EARS2: variants seen among roughly 807,000 people sequenced by gnomAD.
EARS2 encodes the protein glutamyl-tRNA synthetase 2, mitochondrial, also known as nondiscriminating glutamyl-tRNA synthetase EARS2, mitochondrial.
A neutral mutation model predicts 54.1 loss-of-function variants in EARS2; 50 were observed. The observed-to-expected ratio is 0.92, with a 90% CI of 0.74 to 1.17. The LOEUF is 1.17. EARS2 is among the 50% of genes most tolerant of loss of function. The pLI, the probability that EARS2 is intolerant of heterozygous loss-of-function variation, is 0.00. For synonymous variants in EARS2, 298 were observed against 281.0 expected, an observed-to-expected ratio of 1.06 and a Z score of -0.61; for missense variants, 673 against 675.0, an observed-to-expected ratio of 1.00 and a Z score of 0.03.
At chr16:23,553,072 G>T (rs1037130103) in intron 1 of EARS2, 5 of 402,806 alleles carry the variant, frequency 1.2e-5, no homozygotes, top group Non-Finnish European at 2.0e-5. Flanking sequence ...AGGCTGCAGC[G>T]AGCCATGATC....
chr16:23,535,095 G>A lies in EARS2; in HGVS notation c.751C>T (p.Leu251Phe), dbSNP rs1251738444. The A allele has an allele frequency of 6.2e-7, 1 of 1,608,286 alleles. No homozygotes were observed. The highest frequency in any genetic ancestry group is 1.7e-5 in the Admixed American group (1 of 59,048). The change falls in exon 4 of 9, where the codon CTC becomes TTC. Residue 251 changes from leucine to phenylalanine, a missense_variant. Leu to Phe is a conservative substitution (Grantham distance 22). Around this residue, in one of 3 missense-constraint regions of EARS2, gnomAD observed 338 missense variants for 361.2 expected, o/e 0.94. Transcript: ENST00000449606. The part of the protein sequence containing the change: ...ISHVLRGSEW[L>F]VSTAKHLLLY... ...AGCAGGTGCTTGGCAGTGGAGACGA[G>A]CCACTCAGAGCCTCGCAGCACGTGG...
At chr16:23,526,778 G>A (rs555596687) in intron 7 of EARS2, among the ~76,000 whole-genome samples, 1 of 152,176 alleles carries the variant, frequency 6.6e-6, no homozygotes, top group South Asian at 2.1e-4. Flanking sequence ...CCACATCCTG[G>A]CAGTCCAGCT....
intron 7 of EARS2, among the ~76,000 whole-genome samples, chr16:23,527,592 C>T (rs112872183): frequency 0.016 from 2,116 of 136,436 alleles, 21 homozygotes; most frequent in African/African-American, 0.02. Context: ...CTTGCTCTGT[C>T]GCCCAGGCTG....
In EARS2 at chr16:23,552,071, C is replaced by CCCACAGTT. The variant is rs1760867706; in HGVS notation, c.295+77_295+78insAACTGTGG. ...AACTCCCCATTTTCCACTCAGAACT[C>CCCACAGTT]CATGAGAAGACCCACAGGCTCCTTT... On this transcript the variant is annotated intron_variant, in intron 2 of 8. Coordinates refer to ENST00000449606, the MANE Select transcript of EARS2 (RefSeq NM_001083614.2). 23 of 1,546,328 alleles carry CCCACAGTT rather than the reference C, an allele frequency of 1.5e-5. No individual in the cohort carries two copies. In the South Asian group the frequency reaches 2.5e-4, roughly 17 times the overall value.
At chr16:23,527,647 G>A (rs904292032) in intron 7 of EARS2, among the ~76,000 whole-genome samples, 4 of 150,156 alleles carry the variant, frequency 2.7e-5, no homozygotes, top group Admixed American at 1.3e-4. Context: ...TCCGCCTCCC[G>A]GATTCACGCC....
At chr16:23,544,901 G>T in intron 2 of EARS2, 198 bp from the exon 3 acceptor site, 1 of 495,520 alleles carries the variant, frequency 2.0e-6, no homozygotes, top group African/African-American at 2.0e-5. Flanking sequence ...GAGTGCAGTG[G>T]TGCAATCTTA....
chr16:23,553,341 G>A (rs1965726447), intron 1 of EARS2, among the ~76,000 whole-genome samples: 1 of 152,228 alleles, frequency 6.6e-6, no homozygotes, highest in Admixed American at 6.5e-5. Flanking sequence ...AGTTTCGCCT[G>A]AAAGAGAAGC....
intron 3 of EARS2, among the ~76,000 whole-genome samples, chr16:23,535,867 T>C (rs1451100471): frequency 2.0e-5 from 3 of 152,210 alleles, no homozygotes; most frequent in Non-Finnish European, 2.9e-5. Flanking sequence ...GATGTTGTCC[T>C]GTAAGGGGAG....
chr16:23,556,184 C>T (rs1296393208), intron 1 of EARS2, among the ~76,000 whole-genome samples: 1 of 152,108 alleles, frequency 6.6e-6, no homozygotes, highest in Non-Finnish European at 1.5e-5. Context: ...GGATGAGAGG[C>T]ATACTCCGTG....
chr16:23,552,687 C>T (rs932537329), intron 1 of EARS2, among the ~76,000 whole-genome samples: 9 of 152,230 alleles, frequency 5.9e-5, no homozygotes, highest in African/African-American at 1.9e-4. Context: ...GACAGGCATT[C>T]GCCATGTTGG....
chr16:23,543,729 T>TAA (rs1965555018), intron 3 of EARS2, among the ~76,000 whole-genome samples: 1 of 118,406 alleles, frequency 8.4e-6, no homozygotes, highest in East Asian at 2.6e-4. Flanking sequence ...TGAGACTGTC[T>TAA]CAAAAAAAAA....
chr16:23,543,975 A>G lies in EARS2; in HGVS notation c.485+539T>C, dbSNP rs970047584. Among the ~76,000 whole-genome samples the G allele has an allele frequency of 3.3e-5, 5 of 152,224 alleles. No individual in the cohort carries two copies. In the South Asian group the frequency reaches 6.2e-4, roughly 19 times the overall value. On this transcript the variant is annotated intron_variant, in intron 3 of 8. Transcript: ENST00000449606. ...TTTAGACTTGGGTCCCACCCCCAAGATATCTCATTATATATATGCAGATAT... is the reference window on the plus strand; with the variant it reads ...TTTAGACTTGGGTCCCACCCCCAAGGTATCTCATTATATATATGCAGATAT...
intron 3 of EARS2, among the ~76,000 whole-genome samples, chr16:23,536,690 T>C (rs962049149): frequency 2.7e-5 from 4 of 147,340 alleles, no homozygotes; most frequent in African/African-American, 9.9e-5. Context: ...TTCTTTTTTT[T>C]TTTTTTTTTT....
At chr16:23,531,081 T>C (rs1597010500) in intron 5 of EARS2, among the ~76,000 whole-genome samples, 6 of 145,896 alleles carry the variant, frequency 4.1e-5, no homozygotes, top group Non-Finnish European at 9.0e-5. Flanking sequence ...CTATTTTTAG[T>C]AGAAATGTGG....
Position 23,544,690 on chromosome 16 carries a change from A to T in EARS2, c.309T>A (p.Asp103Glu). 2 of 1,602,662 alleles carry T rather than the reference A, an allele frequency of 1.2e-6. No homozygotes were observed. The highest frequency in any genetic ancestry group is 1.7e-6 in the Non-Finnish European group (2 of 1,175,836). ...CAGGACCGCCCCGGCGGGGGCTCTC[A>T]TCAGGCGGGATGCCTGGAACACAGG... ...DMLEWAGIPP[D>E]ESPRRGGPAG... The change falls in exon 3 of 9, where the codon GAT becomes GAA. Residue 103 changes from aspartate (D) to glutamate (E), a missense_variant. This residue lies in a region of EARS2 where 316 missense variants were observed against 275.2 expected (regional missense o/e 1.15). Coordinates refer to ENST00000449606, the MANE Select transcript of EARS2 (RefSeq NM_001083614.2).
intron 4 of EARS2, among the ~76,000 whole-genome samples, chr16:23,533,018 G>A (rs1005657718): frequency 2.6e-5 from 4 of 152,140 alleles, no homozygotes; most frequent in African/African-American, 4.8e-5. Flanking sequence ...CAGGCATGGT[G>A]GCTTACACCT....
At chr16:23,546,398 C>G in intron 2 of EARS2, 1 of 456,054 alleles carries the variant, frequency 2.2e-6, no homozygotes, top group African/African-American at 2.0e-5. Context: ...GCTCAGAGAT[C>G]TTGGGCAAGT....
In EARS2 at chr16:23,535,059, C is replaced by G. The variant is rs199780469; in HGVS notation, c.787G>C (p.Ala263Pro). The G allele has an allele frequency of 6.2e-7, 1 of 1,607,470 alleles. No homozygotes were observed. Among genetic ancestry groups the G allele is most frequent in the South Asian group, 1.1e-5 (1 of 90,180 alleles). The part of the protein sequence containing the change: ...STAKHLLLYQ[A>P]LGWQPPHFAH... ...AAGTGGGGTGGCTGCCAGCCCAGGG[C>G]CTGGTAGAGGAGCAGGTGCTTGGCA... The change falls in exon 4 of 9, where the codon GCC becomes CCC. Residue 263 changes from alanine to proline, a missense_variant. Physicochemically the swap from Ala to Pro is conservative, Grantham distance 27. Transcript: ENST00000449606.
At chr16:23,540,545 A>C (rs933810517) in intron 3 of EARS2, among the ~76,000 whole-genome samples, 1 of 152,260 alleles carries the variant, frequency 6.6e-6, no homozygotes, top group African/African-American at 2.4e-5. Context: ...TTCCACCTCT[A>C]GGAAGGTATT....
Sources: gnomAD v4.1 joint callset for allele counts (sites outside exome capture counted in the v4.1 genomes callset) on GRCh38, gnomAD v4.1.1 for gene constraint, gnomAD v4.1.1 regional missense constraint, MANE v1.5 for transcripts, NCBI Gene and HGNC (gene_info 2026-07-23, HGNC 2026-07-21) for gene names.